SZRD1: variants seen among roughly 807,000 people sequenced by gnomAD.
SZRD1 encodes SUZ RNA binding domain containing 1.
In SZRD1, 7 loss-of-function variants were observed where a neutral mutation model predicts 17.6. That is an observed-to-expected ratio of 0.40 (90% confidence interval 0.23 to 0.75). The LOEUF (loss-of-function observed/expected upper bound fraction) is 0.75, where lower values mean the gene tolerates loss of function less well. SZRD1 is among the 30% of genes least tolerant of loss of function. SZRD1 has a pLI of 0.38. For synonymous variants in SZRD1, 77 were observed against 77.9 expected (o/e 0.99, Z 0.06); for missense variants, 178 against 201.8 (o/e 0.88, Z 0.71).
intron 1 of SZRD1, among the ~76,000 whole-genome samples, chr1:16,385,965 C>G (rs978986719): frequency 1.3e-5 from 2 of 152,220 alleles, no homozygotes; most frequent in African/African-American, 2.4e-5. Flanking sequence ...TGCCTCCGCT[C>G]TTTCCTTCTG....
chr1:16,389,805 T>C (rs537864873), intron 1 of SZRD1, among the ~76,000 whole-genome samples: 1 of 152,368 alleles, frequency 6.6e-6, no homozygotes, highest in Non-Finnish European at 1.5e-5. Context: ...TGCTGAGCCA[T>C]GGGGCAGATC....
At chr1:16,369,345 G>C in intron 1 of SZRD1, 2 of 795,918 alleles carry the variant, frequency 2.5e-6, no homozygotes, top group Non-Finnish European at 4.4e-6. Flanking sequence ...TCCTTTCAAT[G>C]GTCGCCATCC....
intron 1 of SZRD1, chr1:16,367,587 C>G (rs1043105899): frequency 2.0e-6 from 1 of 499,250 alleles, no homozygotes; most frequent in Non-Finnish European, 3.6e-6. Context: ...CTTTCCTGAC[C>G]CCCCGCGCCC....
Position 16,376,373 on chromosome 1 carries a change from A to G in SZRD1, c.51+9065A>G, listed in dbSNP as rs536414492. Among the ~76,000 whole-genome samples, 5 of 152,370 alleles carry G rather than the reference A, an allele frequency of 3.3e-5. No homozygotes were observed. In the East Asian group the frequency reaches 7.7e-4, roughly 23 times the overall value. On this transcript the variant is annotated intron_variant, in intron 1 of 3. Transcript: ENST00000401088. ...AACTGCATCTGAGAAATTTGAACTC[A>G]GTGCTGAAGAGCCAAGCGATAATCC... is the stretch of plus-strand genomic sequence containing the variant.
intron 1 of SZRD1, among the ~76,000 whole-genome samples, chr1:16,389,563 G>A (rs1162140090): frequency 1.3e-5 from 2 of 151,386 alleles, no homozygotes; most frequent in Non-Finnish European, 2.9e-5. Context: ...CGCCCACCTC[G>A]GCCTCCCAAA....
rs993674528 is a variant in SZRD1, at chr1:16,370,526, C to CT, written c.51+3229dup. Among the ~76,000 whole-genome samples, 127 of 143,416 alleles carry CT rather than the reference C, an allele frequency of 8.9e-4. 1 individual carries two copies. Among genetic ancestry groups the CT allele is most frequent in the African/African-American group, 1.9e-3 (75 of 39,250 alleles). 94.1% of individuals were successfully genotyped at this position (143,416 alleles called of 152,430 possible). A position where few individuals can be genotyped will look rare whatever the true frequency, so the allele number is the denominator to read the frequency against. On this transcript the variant is annotated intron_variant, in intron 1 of 3. Coordinates refer to ENST00000401088, the MANE Select transcript of SZRD1 (RefSeq NM_001114600.3). ...ACAGGCATGAGCCGCTGCACCTGGC[C>CT]TTTTTTTTTTTAATTTTTTTTTTAT...
chr1:16,385,812 G>A (rs1044591438), intron 1 of SZRD1, among the ~76,000 whole-genome samples: 1 of 152,176 alleles, frequency 6.6e-6, no homozygotes, highest in Non-Finnish European at 1.5e-5. Context: ...GTGAAGCTGA[G>A]CTTCCTCCTC....
intron 1 of SZRD1, among the ~76,000 whole-genome samples, chr1:16,368,847 C>T (rs1029770038): frequency 6.6e-6 from 1 of 152,156 alleles, no homozygotes; most frequent in East Asian, 1.9e-4. Flanking sequence ...GGCATCTTGG[C>T]CTTTCTTTGG....
chr1:16,389,750 T>A (rs1330823447), intron 1 of SZRD1, among the ~76,000 whole-genome samples: 1 of 152,224 alleles, frequency 6.6e-6, no homozygotes, highest in Non-Finnish European at 1.5e-5. Flanking sequence ...GGGCTGAGAA[T>A]AGTTATTTTC....
chr1:16,383,862 C>T (rs536849532), intron 1 of SZRD1, among the ~76,000 whole-genome samples: 1 of 152,282 alleles, frequency 6.6e-6, no homozygotes, highest in East Asian at 1.9e-4. Flanking sequence ...TCGTGATCCG[C>T]CCGCCTGGGC....
chr1:16,373,377 C>G (rs921809194), intron 1 of SZRD1, among the ~76,000 whole-genome samples: 1 of 151,612 alleles, frequency 6.6e-6, no homozygotes, highest in African/African-American at 2.4e-5. Flanking sequence ...GTCAGGAGTT[C>G]GAGACCAGCT....
chr1:16,372,862 C>G (rs763652628), intron 1 of SZRD1, among the ~76,000 whole-genome samples: 1 of 152,146 alleles, frequency 6.6e-6, no homozygotes, highest in Non-Finnish European at 1.5e-5. Flanking sequence ...GTGGGGGAGT[C>G]AGACAGGTCC....
chr1:16,367,515 G>T (rs1283144223), intron 1 of SZRD1, among the ~76,000 whole-genome samples: 2 of 152,190 alleles, frequency 1.3e-5, no homozygotes, highest in Non-Finnish European at 2.9e-5. Context: ...TGCCTGGTGC[G>T]CCTCCCTCCG....
intron 3 of SZRD1, among the ~76,000 whole-genome samples, chr1:16,394,297 C>G (rs1234314386): frequency 6.6e-6 from 1 of 152,082 alleles, no homozygotes; most frequent in African/African-American, 2.4e-5. Context: ...AACCGTTAAC[C>G]GCAGAGTTTG....
chr1:16,394,949 C>T (rs996615044), intron 3 of SZRD1, 89 bp from the exon 4 acceptor site: 23 of 790,564 alleles, frequency 2.9e-5, no homozygotes, highest in Middle Eastern at 3.7e-4. Context: ...AATGAGACTC[C>T]GTCTCAAAAA....
chr1:16,387,319 C>T (rs963230915), intron 1 of SZRD1: 3 of 456,242 alleles, frequency 6.6e-6, no homozygotes, highest in African/African-American at 2.0e-5. Flanking sequence ...AAGAAGGAAG[C>T]AGTTTGCTTT....
At chr1:16,376,384 G>C (rs1032104143) in intron 1 of SZRD1, among the ~76,000 whole-genome samples, 1 of 152,200 alleles carries the variant, frequency 6.6e-6, no homozygotes, top group South Asian at 2.1e-4. Context: ...GTGCTGAAGA[G>C]CCAAGCGATA....
intron 1 of SZRD1, among the ~76,000 whole-genome samples, chr1:16,389,355 C>T (rs139368933): frequency 0.027 from 4,034 of 152,030 alleles, 177 homozygotes; most frequent in African/African-American, 0.09. Context: ...AGCTTCGCCT[C>T]CCGGGTTCAC....
Position 16,393,148 on chromosome 1 carries a change from A to G in SZRD1, c.102-80A>G. ...AGAATTAGGGAGGGAGAGGAAAGTG[A>G]TGAGAGGTGGGTGTGGGACATGGAC... On this transcript the variant is annotated intron_variant, in intron 2 of 3. Coordinates refer to ENST00000401088, the MANE Select transcript of SZRD1 (RefSeq NM_001114600.3). This position sits in a 1 kb window ranked among gnomAD's most constrained non-coding sequence, Gnocchi z 5.6. The G allele has an allele frequency of 6.5e-7, 1 of 1,537,954 alleles. No individual in the cohort carries two copies.
Sources: allele counts gnomAD v4.1 joint callset (sites outside exome capture counted in the v4.1 genomes callset), GRCh38; gene constraint gnomAD v4.1.1; non-coding constraint Gnocchi (gnomAD v3.1); transcripts MANE v1.5; gene names NCBI Gene and HGNC (gene_info 2026-07-23, HGNC 2026-07-21).